The following KCNG2 variants were observed in gnomAD, a reference collection of about 807,000 sequenced individuals.
The protein encoded by KCNG2 is voltage-gated potassium channel regulatory subunit KCNG2.
A neutral mutation model predicts 12.3 loss-of-function variants in KCNG2; 7 were observed. The observed-to-expected ratio is 0.57, with a 90% CI of 0.32 to 1.07. The LOEUF (loss-of-function observed/expected upper bound fraction) is 1.07, where lower values mean the gene tolerates loss of function less well. Among genes scored for constraint, KCNG2 ranks in the 50% least tolerant of loss-of-function variants. KCNG2 has a pLI of 0.04. For synonymous variants in KCNG2, 414 were observed against 351.4 expected (o/e 1.18, Z -1.99); for missense variants, 703 against 726.0 (o/e 0.97, Z 0.36).
chr18:79,884,509 G>T lies in KCNG2; in HGVS notation c.625-14531G>T, dbSNP rs1321989990. ...CACTGGGTCCCCGGGGGAGAGCCAG[G>T]CTGTGATGTCCCGATGCAGTGGAGG... On this transcript the variant is annotated intron_variant, in intron 3 of 3. Transcript: ENST00000316249. This position sits in a 1 kb window ranked among gnomAD's most constrained non-coding sequence, Gnocchi z 5.5. Among the ~76,000 whole-genome samples, 3 of 152,128 alleles carry T rather than the reference G, an allele frequency of 2.0e-5. No homozygotes were observed. The highest frequency in any genetic ancestry group is 4.4e-5 in the Non-Finnish European group (3 of 68,026).
At chr18:79,825,670 A>T (rs767549126) in intron 1 of KCNG2, among the ~76,000 whole-genome samples, 7 of 152,234 alleles carry the variant, frequency 4.6e-5, no homozygotes, top group Non-Finnish European at 1.0e-4. Flanking sequence ...ACGAAGGTAG[A>T]TCAATCACGC....
rs965411709 is a variant in KCNG2 at position 79,884,453 on chromosome 18, C to G, written c.625-14587C>G. Among the ~76,000 whole-genome samples, 1 of 152,180 alleles carries G rather than the reference C, an allele frequency of 6.6e-6. No individual in the cohort carries two copies. The highest frequency in any genetic ancestry group is 6.5e-5 in the Admixed American group (1 of 15,276). On this transcript the variant is annotated intron_variant, in intron 3 of 3. Coordinates refer to ENST00000316249, the MANE Select transcript of KCNG2 (RefSeq NM_012283.2). The surrounding 1 kb of genome is among the most constrained non-coding windows in gnomAD (Gnocchi z 5.5). ...TGGCAGGGACTGGCTGGTTCCCTTC[C>G]TTGGTTCCCCCAGTGGGATGGAGCC... is the stretch of plus-strand genomic sequence containing the variant.
intron 1 of KCNG2, among the ~76,000 whole-genome samples, chr18:79,818,947 C>T (rs1025904584): frequency 6.6e-6 from 1 of 152,218 alleles, no homozygotes; most frequent in African/African-American, 2.4e-5. Flanking sequence ...CCATTGGTGA[C>T]TAATGTCCGA....
chr18:79,897,756 C>T (rs1040918727), intron 3 of KCNG2, among the ~76,000 whole-genome samples: 5 of 151,902 alleles, frequency 3.3e-5, no homozygotes, highest in African/African-American at 1.2e-4. Flanking sequence ...TGGTGACTGG[C>T]TGGCTTACTG....
chr18:79,805,386 G>A (rs916206437), intron 1 of KCNG2, among the ~76,000 whole-genome samples: 4 of 152,196 alleles, frequency 2.6e-5, no homozygotes, highest in Non-Finnish European at 4.4e-5. Context: ...GGCCTGCCGC[G>A]CACTCGGGAT....
chr18:79,864,109 C>T lies in KCNG2; in HGVS notation c.442C>T (p.Arg148Cys), dbSNP rs766940338. ...TERGAQGSPA[R>C]ALGPRGRLQR... ...GCGCGGGGCGCAGGGGAGCCCGGCG[C>T]GCGCCCTGGGACCTCGGGGGCGGCT... is the stretch of plus-strand genomic sequence containing the variant. The change falls in exon 3 of 4, where the codon CGC becomes TGC. Residue 148 changes from arginine to cysteine, a missense_variant. Transcript: ENST00000316249. The T allele has an allele frequency of 1.8e-6, 2 of 1,140,894 alleles. No homozygotes were observed. Among genetic ancestry groups the T allele is most frequent in the South Asian group, 2.8e-5 (1 of 35,258 alleles). The allele number at this position is 1,140,894 out of a possible 1,614,324, so 70.7% of individuals were successfully genotyped here.
intron 1 of KCNG2, among the ~76,000 whole-genome samples, chr18:79,843,404 G>A (rs1007799257): frequency 6.6e-6 from 1 of 152,020 alleles, no homozygotes; most frequent in African/African-American, 2.4e-5. Context: ...AATATTAAAG[G>A]ATAAAACTTA....
intron 2 of KCNG2, among the ~76,000 whole-genome samples, chr18:79,860,697 A>T (rs565359639): frequency 6.6e-6 from 1 of 151,964 alleles, no homozygotes; most frequent in Non-Finnish European, 1.5e-5. Context: ...GTGTATGTGT[A>T]TGTGTGCGTG....
intron 3 of KCNG2, among the ~76,000 whole-genome samples, chr18:79,879,165 C>A (rs553836415): frequency 1.6e-3 from 246 of 152,326 alleles, no homozygotes; most frequent in Non-Finnish European, 2.5e-3. Context: ...ACCTCCAGCC[C>A]CCACAGGAGC....
chr18:79,801,518 G>A (rs1014085259), intron 1 of KCNG2, among the ~76,000 whole-genome samples: 1 of 152,246 alleles, frequency 6.6e-6, no homozygotes, highest in Non-Finnish European at 1.5e-5. Context: ...GGGCCCGGGA[G>A]CCCTCCGAGG....
chr18:79,854,549 C>T (rs1480283762), intron 1 of KCNG2, among the ~76,000 whole-genome samples: 2 of 74,006 alleles, frequency 2.7e-5, no homozygotes, highest in African/African-American at 4.0e-5. Flanking sequence ...TTTTTTGAGA[C>T]AGGGTCTCGC....
chr18:79,888,522 C>T (rs1181562792), intron 3 of KCNG2, among the ~76,000 whole-genome samples: 1 of 150,590 alleles, frequency 6.6e-6, no homozygotes, highest in African/African-American at 2.4e-5. Flanking sequence ...GCCGGGACGG[C>T]GGCGTCCTCC....
At chr18:79,894,103 A>C (rs994408617) in intron 3 of KCNG2, among the ~76,000 whole-genome samples, 9 of 151,340 alleles carry the variant, frequency 5.9e-5, no homozygotes, top group Non-Finnish European at 1.3e-4. Context: ...CGCCATTCAT[A>C]ATGATTGATA....
intron 1 of KCNG2, among the ~76,000 whole-genome samples, chr18:79,854,305 A>G (rs11081566): frequency 0.91 from 137,835 of 152,246 alleles, 64,042 homozygotes; most frequent in East Asian, 1. Flanking sequence ...TCCTGCCTGG[A>G]CGCCGTCACA....
At chr18:79,893,683 T>G (rs886497649) in intron 3 of KCNG2, among the ~76,000 whole-genome samples, 2 of 151,602 alleles carry the variant, frequency 1.3e-5, no homozygotes, top group Non-Finnish European at 2.9e-5. Context: ...AGCTGGGTCT[T>G]GTGTCTGCTT....
chr18:79,827,077 C>T (rs1009303322), intron 1 of KCNG2, among the ~76,000 whole-genome samples: 1 of 152,252 alleles, frequency 6.6e-6, no homozygotes, highest in African/African-American at 2.4e-5. Flanking sequence ...GGGGCCGGGC[C>T]GCGCCAGCCT....
chr18:79,846,084 C>T (rs1458983717), intron 1 of KCNG2, among the ~76,000 whole-genome samples: 1 of 126,406 alleles, frequency 7.9e-6, no homozygotes, highest in Non-Finnish European at 1.6e-5. Context: ...GAGTGAGACT[C>T]TGTCTTGGCT....
chr18:79,821,656 C>T (rs2123006025), intron 1 of KCNG2, among the ~76,000 whole-genome samples: 1 of 152,258 alleles, frequency 6.6e-6, no homozygotes, highest in South Asian at 2.1e-4. Flanking sequence ...GAGCACATCC[C>T]CATCTTCCTG....
At chr18:79,856,749 G>T (rs933168004) in intron 2 of KCNG2, among the ~76,000 whole-genome samples, 3 of 152,062 alleles carry the variant, frequency 2.0e-5, no homozygotes, top group African/African-American at 4.8e-5. Context: ...AGGCTTCTTC[G>T]ACAAACTGGG....
Sources: gnomAD v4.1 joint callset for allele counts (sites outside exome capture counted in the v4.1 genomes callset) on GRCh38, gnomAD v4.1.1 for gene constraint, Gnocchi (gnomAD v3.1) non-coding constraint, MANE v1.5 for transcripts, NCBI Gene and HGNC (gene_info 2026-07-23, HGNC 2026-07-21) for gene names.